Variants in SMOX observed in about 807,000 individuals in gnomAD.
SMOX encodes the protein flavin containing amine oxidase.
SMOX carries 22 observed loss-of-function variants against 51.0 expected under a neutral mutation model. That is an observed-to-expected ratio of 0.43 (90% confidence interval 0.31 to 0.62). The LOEUF (loss-of-function observed/expected upper bound fraction) is 0.62. Ranked by LOEUF, SMOX falls within the 20% of genes least tolerant of loss-of-function variation. SMOX has a pLI of 0.10. For synonymous variants in SMOX, 282 were observed against 307.8 expected (o/e 0.92, Z 0.88); for missense variants, 566 against 777.7 (o/e 0.73, Z 3.24).
chr20:4,157,931 C>G (rs1268753929), intron 1 of SMOX, among the ~76,000 whole-genome samples: 3 of 151,666 alleles, frequency 2.0e-5, no homozygotes, highest in African/African-American at 2.4e-5. Flanking sequence ...GTTGGAGTCT[C>G]GCTCTGTCGC....
chr20:4,186,305 C>T (rs1979729063), intron 6 of SMOX, among the ~76,000 whole-genome samples: 2 of 152,126 alleles, frequency 1.3e-5, no homozygotes, highest in Admixed American at 6.6e-5. Flanking sequence ...GAGACACTGT[C>T]TCAAAAATAA....
chr20:4,159,724 A>C (rs1288236853), intron 1 of SMOX, among the ~76,000 whole-genome samples: 1 of 152,200 alleles, frequency 6.6e-6, no homozygotes, highest in Non-Finnish European at 1.5e-5. Context: ...GGCCTAAAGA[A>C]TATGTTTATG....
At chr20:4,168,563 T>G (rs1292809621) in intron 1 of SMOX, among the ~76,000 whole-genome samples, 1 of 151,014 alleles carries the variant, frequency 6.6e-6, no homozygotes, top group Non-Finnish European at 1.5e-5. Flanking sequence ...TCTCTCTCTT[T>G]TTTTTTTTTT....
intron 1 of SMOX, among the ~76,000 whole-genome samples, chr20:4,159,553 G>C (rs1277706000): frequency 6.6e-6 from 1 of 152,208 alleles, no homozygotes; most frequent in Non-Finnish European, 1.5e-5. Context: ...ATTGATGTGA[G>C]GATTGAGGTA....
intron 1 of SMOX, among the ~76,000 whole-genome samples, chr20:4,161,924 C>T (rs544706847): frequency 1.3e-5 from 2 of 152,366 alleles, no homozygotes; most frequent in Admixed American, 6.5e-5. Context: ...AGCACTGGTC[C>T]CACCCTAGGC....
chr20:4,158,106 T>C (rs1418096210), intron 1 of SMOX, among the ~76,000 whole-genome samples: 1 of 149,980 alleles, frequency 6.7e-6, no homozygotes, highest in Non-Finnish European at 1.5e-5. Context: ...TTCACCTTGT[T>C]AGCCAGGATG....
chr20:4,177,577 G>A lies in SMOX; in HGVS notation c.435G>A (p.Glu145=). 1 of 1,581,420 alleles carries A rather than the reference G, an allele frequency of 6.3e-7. No individual in the cohort carries two copies. Among genetic ancestry groups the A allele is most frequent in the Non-Finnish European group, 8.6e-7 (1 of 1,162,396 alleles). Residue 145 remains glutamate (E), a splice_region_variant and synonymous_variant, in exon 3 of 7, where the codon GAG becomes GAA. Coordinates refer to ENST00000305958, the MANE Select transcript of SMOX (RefSeq NM_175839.3). The surrounding 1 kb of genome is among the most constrained non-coding windows in gnomAD (Gnocchi z 4.3). ...VVEEFSDLYN[E]VYNLTQEFFR... Reference sequence around the variant, plus strand: ...AGGAATTCAGCGATTTATACAACGAGGTAAGGTGTGAGCAGAGTAGCTGGG... The same window carrying A: ...AGGAATTCAGCGATTTATACAACGAAGTAAGGTGTGAGCAGAGTAGCTGGG...
chr20:4,160,418 G>A (rs780858819), intron 1 of SMOX, among the ~76,000 whole-genome samples: 4 of 152,206 alleles, frequency 2.6e-5, no homozygotes, highest in South Asian at 2.1e-4. Context: ...GCCTGAGGTC[G>A]GAGCAGGGAT....
At chr20:4,165,268 C>A (rs1016924372) in intron 1 of SMOX, among the ~76,000 whole-genome samples, 5 of 152,034 alleles carry the variant, frequency 3.3e-5, no homozygotes, top group East Asian at 1.9e-4. Flanking sequence ...GTTGGCCAGG[C>A]TGGTCTCGAA....
In SMOX at chr20:4,181,094, C is replaced by G. The variant is rs148759903; in HGVS notation, c.436-709C>G. ...TCAGACCCCTTTTCAAGTGACTGAT[C>G]GTCGTTATCTGTTGATGAGGTGTGG... On this transcript the variant is annotated intron_variant, in intron 3 of 6. Transcript: ENST00000305958. This position sits in a 1 kb window ranked among gnomAD's most constrained non-coding sequence, Gnocchi z 5.6. Among the ~76,000 whole-genome samples the G allele has an allele frequency of 6.6e-6, 1 of 152,136 alleles. No homozygotes were observed. Among genetic ancestry groups the G allele is most frequent in the African/African-American group, 2.4e-5 (1 of 41,420 alleles).
intron 1 of SMOX, among the ~76,000 whole-genome samples, chr20:4,159,686 GT>G (rs1986217065): frequency 6.6e-6 from 1 of 152,198 alleles, no homozygotes; most frequent in African/African-American, 2.4e-5. Context: ...AAGCTAGTGA[GT>G]TATTCTCTCT....
rs1454036102 is a variant in SMOX, at chr20:4,181,869, G to A, written c.502G>A (p.Val168Met). 8 of 1,614,014 alleles carry A rather than the reference G, an allele frequency of 5.0e-6. No homozygotes were observed. The highest frequency in any genetic ancestry group is 2.7e-5 in the African/African-American group (2 of 74,906). The change falls in exon 4 of 7, where the codon GTG (valine) becomes ATG (methionine). Residue 168 changes from valine (V) to methionine (M), a missense_variant. Val to Met is a conservative substitution (Grantham distance 21). This residue lies in a region of SMOX where 217 missense variants were observed against 278.4 expected (regional missense o/e 0.78). Coordinates refer to ENST00000305958, the MANE Select transcript of SMOX (RefSeq NM_175839.3). The surrounding 1 kb of genome is among the most constrained non-coding windows in gnomAD (Gnocchi z 5.6). ...AGTCAATGCTGAAAGTCAAAATAGC[G>A]TGGGGGTGTTCACCCGAGAGGAGGT... is the stretch of plus-strand genomic sequence containing the variant. ...KPVNAESQNSVGVFTREEVRN... is the reference protein window; with the variant it reads ...KPVNAESQNSMGVFTREEVRN...
chr20:4,175,006 C>T (rs1297000648), intron 1 of SMOX, 24 bp from the exon 2 acceptor site: 1 of 1,605,732 alleles, frequency 6.2e-7, no homozygotes, highest in African/African-American at 1.3e-5. Flanking sequence ...AGCCACTAAG[C>T]TGTGACACCT....
chr20:4,171,363 C>T (rs1978377504), intron 1 of SMOX, among the ~76,000 whole-genome samples: 1 of 152,202 alleles, frequency 6.6e-6, no homozygotes, highest in African/African-American at 2.4e-5. Context: ...GCCCCCACTC[C>T]CCAGCAGGCA....
Position 4,175,033 on chromosome 20 carries a change from C to T in SMOX, c.-23C>T. The T allele has an allele frequency of 6.2e-6, 10 of 1,613,008 alleles. No homozygotes were observed. Among genetic ancestry groups the T allele is most frequent in the Non-Finnish European group, 8.5e-6 (10 of 1,179,398 alleles). ...GTGACACCTCCTCCCCCTGCAGGTT[C>T]CTAGAAGGTGAGCGCGGACGGTATG... On this transcript the variant is annotated 5_prime_UTR_variant, in exon 2 of 7. Transcript: ENST00000305958.
At chr20:4,180,385 G>A (rs983235539) in intron 3 of SMOX, among the ~76,000 whole-genome samples, 2 of 152,144 alleles carry the variant, frequency 1.3e-5, no homozygotes, top group African/African-American at 2.4e-5. Flanking sequence ...CCCAGGGCTG[G>A]GGGACAGGGC....
chr20:4,162,386 T>C (rs1348857349), intron 1 of SMOX, among the ~76,000 whole-genome samples: 1 of 152,194 alleles, frequency 6.6e-6, no homozygotes. Context: ...AGGGACAGTG[T>C]TGGAATCACA....
chr20:4,180,072 C>T (rs1400178255), intron 3 of SMOX, among the ~76,000 whole-genome samples: 12 of 152,162 alleles, frequency 7.9e-5, no homozygotes, highest in Admixed American at 1.3e-4. Context: ...GGTTGCTTAT[C>T]GCCCAAGGGA....
At chr20:4,156,913 T>C (rs1461490456) in intron 1 of SMOX, among the ~76,000 whole-genome samples, 2 of 152,272 alleles carry the variant, frequency 1.3e-5, no homozygotes, top group African/African-American at 4.8e-5. Flanking sequence ...CTGCTAATTT[T>C]TGTGTTTTTA....
Sources: allele counts gnomAD v4.1 joint callset (sites outside exome capture counted in the v4.1 genomes callset), GRCh38; gene constraint gnomAD v4.1.1; regional missense constraint gnomAD v4.1.1; non-coding constraint Gnocchi (gnomAD v3.1); transcripts MANE v1.5; gene names NCBI Gene and HGNC (gene_info 2026-07-23, HGNC 2026-07-21).